Variants in MYO5C observed in about 807,000 individuals in gnomAD.
MYO5C encodes myosin VC, also known as unconventional myosin-Vc.
In MYO5C, 194 loss-of-function variants were observed where a neutral mutation model predicts 235.7. The observed-to-expected ratio is 0.82, with a 90% CI of 0.73 to 0.93. The LOEUF (loss-of-function observed/expected upper bound fraction) is 0.93. Ranked by LOEUF, MYO5C falls within the 40% of genes least tolerant of loss-of-function variation. The pLI is 0.00. For synonymous variants in MYO5C, 707 were observed against 754.8 expected (o/e 0.94, Z 1.04); for missense variants, 2,038 against 2,127.2 (o/e 0.96, Z 0.82).
chr15:52,207,050 T>A (rs2035334493), intron 36 of MYO5C, among the ~76,000 whole-genome samples: 1 of 151,920 alleles, frequency 6.6e-6, no homozygotes, highest in African/African-American at 2.4e-5. Context: ...GGAGAATTGC[T>A]TGAACCTGGG....
At chr15:52,225,195 C>T (rs1028455615) in intron 26 of MYO5C, 57 bp from the exon 27 acceptor site, 2 of 1,585,772 alleles carry the variant, frequency 1.3e-6, no homozygotes, top group African/African-American at 1.3e-5. Context: ...TATCTTTTCC[C>T]ATTCCCTTTC....
Position 52,271,776 on chromosome 15 carries a change from T to G in MYO5C, c.819A>C (p.Lys273Asn). ...TCCATCACATACCCAATTTAAGATG[T>G]TTAAATTCCGACTGCTGTGCAGATG... ...LCASAQQSEF[K>N]HLKLGSAEEF... Residue 273 changes from lysine (K) to asparagine (N), a missense_variant, in exon 7 of 41, where the codon AAA (lysine) becomes AAC (asparagine). Physicochemically the swap from Lys to Asn is moderately conservative, Grantham distance 94. Transcript: ENST00000261839. The G allele has an allele frequency of 6.5e-7, 1 of 1,545,266 alleles. No individual in the cohort carries two copies. The highest frequency in any genetic ancestry group is 8.8e-7 in the Non-Finnish European group (1 of 1,134,452).
At chr15:52,271,719 C>T (rs766087610) in intron 7 of MYO5C, 44 bp downstream of exon 7, 5 of 1,113,328 alleles carry the variant, frequency 4.5e-6, no homozygotes, top group Middle Eastern at 2.1e-4. Context: ...GAATTTAAGC[C>T]CTCCATAAAA....
chr15:52,254,033 T>C (rs977790121), intron 11 of MYO5C, among the ~76,000 whole-genome samples: 1 of 152,104 alleles, frequency 6.6e-6, no homozygotes, highest in Admixed American at 6.5e-5. Flanking sequence ...AACCCTCCTA[T>C]GGAGGAATCC....
intron 29 of MYO5C, among the ~76,000 whole-genome samples, chr15:52,222,632 TG>T (rs1390219948): frequency 7.5e-6 from 1 of 132,946 alleles, no homozygotes; most frequent in Non-Finnish European, 1.7e-5. Flanking sequence ...AATGGGGTGG[TG>T]GGCAGTGAAT....
chr15:52,281,490 T>G (rs1184321357), intron 2 of MYO5C, among the ~76,000 whole-genome samples: 2 of 152,220 alleles, frequency 1.3e-5, no homozygotes, highest in African/African-American at 4.8e-5. Flanking sequence ...CAGAACCTTG[T>G]GCACAGGAGA....
In MYO5C at chr15:52,282,825, C is replaced by T. The variant is rs754976668; in HGVS notation, c.95G>A (p.Arg32Lys). ...GAGTCGCAGGACCTTGTCACCAACT[C>T]TGTAGTCCTTGGCTATTTCAGCAGA... ...WKSAEIAKDYRVGDKVLRLLL... is the reference protein window; with the variant it reads ...WKSAEIAKDYKVGDKVLRLLL... Residue 32 changes from arginine (R) to lysine (K), a missense_variant, in exon 2 of 41, where the codon AGA becomes AAA. Coordinates refer to ENST00000261839, the MANE Select transcript of MYO5C (RefSeq NM_018728.4). 4.8e-5 allele frequency: 77 copies of T among 1,614,014 alleles called. No individual in the cohort carries two copies. The Middle Eastern group carries it at 5.9e-3, about 124-fold the overall frequency.
intron 5 of MYO5C, among the ~76,000 whole-genome samples, 177 bp from the exon 6 acceptor site, chr15:52,272,900 ATGAGCCTGCTGCTCAAGGTTCTCCT>A (rs1260245619): frequency 1.3e-5 from 2 of 152,350 alleles, no homozygotes; most frequent in East Asian, 3.9e-4. Flanking sequence ...AAATCAGAAC[ATGAGCCTGCTGCTCAAGGTTCTCCT>A]TGGTCCCACT....
chr15:52,239,908 A>G, intron 20 of MYO5C, 29 bp from the exon 21 acceptor site: 1 of 1,588,546 alleles, frequency 6.3e-7, no homozygotes, highest in East Asian at 2.3e-5. Context: ...TGAAACATAA[A>G]CTGGATCCCA....
In MYO5C at chr15:52,219,860, C is replaced by T. The variant is rs191803008; in HGVS notation, c.3722-38G>A. On this transcript the variant is annotated intron_variant, in intron 30 of 40. Coordinates refer to ENST00000261839, the MANE Select transcript of MYO5C (RefSeq NM_018728.4). ...GAACTGTCAGTACTTTGGGGGGGCA[C>T]ATATCACTGCATTCTGATTTGGGTT... The T allele has an allele frequency of 1.2e-5, 18 of 1,458,042 alleles. No individual in the cohort carries two copies. In the Admixed American group the frequency reaches 2.4e-4, roughly 19 times the overall value. The allele number at this position is 1,458,042 out of a possible 1,614,324, so 90.3% of individuals were successfully genotyped here.
chr15:52,223,524 G>A lies in MYO5C; in HGVS notation c.3627+20C>T. The A allele has an allele frequency of 1.2e-6, 2 of 1,604,214 alleles. No homozygotes were observed. Among genetic ancestry groups the A allele is most frequent in the Non-Finnish European group, 1.7e-6 (2 of 1,174,512 alleles). ...CTCTAGTATGATGGCCACGACTGGG[G>A]CCCCTGGCTGAGACCATACCATGTT... On this transcript the variant is annotated intron_variant, in intron 29 of 40. Transcript: ENST00000261839.
At chr15:52,281,090 C>T (rs1228697608) in intron 2 of MYO5C, among the ~76,000 whole-genome samples, 10 of 152,216 alleles carry the variant, frequency 6.6e-5, no homozygotes, top group Admixed American at 6.5e-4. Flanking sequence ...CTCATACATA[C>T]TGACTTTCCT....
At chr15:52,269,709 T>A (rs764699191) in intron 8 of MYO5C, 44 bp downstream of exon 8, 48 of 1,341,798 alleles carry the variant, frequency 3.6e-5, no homozygotes, top group South Asian at 1.2e-4. Flanking sequence ...TTTTTTTTTT[T>A]AAGAGAAAAT....
rs761264572 is a variant in MYO5C, at chr15:52,242,081, G to A, written c.2523C>T (p.Ser841=). The change falls in exon 20 of 41, where the codon AGC becomes AGT. Residue 841 remains serine, a synonymous_variant. Coordinates refer to ENST00000261839, the MANE Select transcript of MYO5C (RefSeq NM_018728.4). ...RMATITMQAY[S]RGFLARRRYR... ...ACCTCCTCCTTGCCAGGAATCCTCG[G>A]CTGTAGGCCTGCATTGTGATGGTGG... The A allele has an allele frequency of 2.5e-6, 4 of 1,613,544 alleles. No homozygotes were observed. The Admixed American group carries it at 6.7e-5, about 27-fold the overall frequency.
At position 52,284,747 on chromosome 15, in the gene MYO5C, T is replaced by C. The variant is rs1325992704; in HGVS notation, c.28-1855A>G. Among the ~76,000 whole-genome samples, 4 of 152,226 alleles carry C rather than the reference T, an allele frequency of 2.6e-5. No homozygotes were observed. In the East Asian group the frequency reaches 5.8e-4, roughly 22 times the overall value. ...TCAGATAGAAGGACAGAAAGATGGA[T>C]AGACATGGGATACAATGAATATGGT... On this transcript the variant is annotated intron_variant, in intron 1 of 40. Transcript: ENST00000261839.
Position 52,272,636 on chromosome 15 carries a change from T to A in MYO5C, c.694A>T (p.Ile232Phe), listed in dbSNP as rs776194399. 1.2e-6 allele frequency: 2 copies of A among 1,614,160 alleles called. No individual in the cohort carries two copies. The highest frequency in any genetic ancestry group is 2.2e-5 in the South Asian group (2 of 91,074). The change falls in exon 6 of 41, where the codon ATT becomes TTT. Residue 232 changes from isoleucine (I) to phenylalanine (F), a missense_variant. By Grantham distance (21) the Ile-to-Phe change is conservative. Coordinates refer to ENST00000261839, the MANE Select transcript of MYO5C (RefSeq NM_018728.4). ...TEISFDEQNQIIGANMSTYLL... is the reference protein window; with the variant it reads ...TEISFDEQNQFIGANMSTYLL... ...TAAGTGCTCATGTTGGCTCCTATAATTTGATTTTGTTCATCAAAACTGATT... is the reference window on the plus strand; with the variant it reads ...TAAGTGCTCATGTTGGCTCCTATAAATTGATTTTGTTCATCAAAACTGATT...
intron 2 of MYO5C, among the ~76,000 whole-genome samples, chr15:52,280,073 C>T (rs560563669): frequency 6.6e-6 from 1 of 152,088 alleles, no homozygotes; most frequent in South Asian, 2.1e-4. Context: ...AATGTTGAGG[C>T]CATGCAAGTT....
chr15:52,202,030 GA>G (rs1377264609), intron 38 of MYO5C, among the ~76,000 whole-genome samples: 1 of 151,328 alleles, frequency 6.6e-6, no homozygotes, highest in Non-Finnish European at 1.5e-5. Flanking sequence ...GCAACAAGCA[GA>G]AATTAATAAA....
intron 14 of MYO5C, among the ~76,000 whole-genome samples, chr15:52,248,413 G>A (rs1019086854): frequency 6.6e-6 from 1 of 152,108 alleles, no homozygotes; most frequent in African/African-American, 2.4e-5. Context: ...CCCAAAATGC[G>A]GGGATTACAG....
Sources: allele counts gnomAD v4.1 joint callset (sites outside exome capture counted in the v4.1 genomes callset), GRCh38; gene constraint gnomAD v4.1.1; transcripts MANE v1.5; gene names NCBI Gene and HGNC (gene_info 2026-07-23, HGNC 2026-07-21).